ARAP1: variants seen among roughly 807,000 people sequenced by gnomAD.
ARAP1 encodes the protein arf-GAP with Rho-GAP domain, ANK repeat and PH domain-containing protein 1.
In ARAP1, 76 loss-of-function variants were observed where a neutral mutation model predicts 172.2. The observed-to-expected ratio is 0.44, with a 90% CI of 0.37 to 0.53. The LOEUF (loss-of-function observed/expected upper bound fraction) is 0.53, where lower values mean the gene tolerates loss of function less well. Ranked by LOEUF, ARAP1 falls within the 20% of genes least tolerant of loss-of-function variation. ARAP1 has a pLI of 0.00. For missense variants in ARAP1, 1,686 were observed against 1,977.5 expected, an observed-to-expected ratio of 0.85 and a Z score of 2.80; for synonymous variants, 804 against 803.3, an observed-to-expected ratio of 1.00 and a Z score of -0.01.
intron 30 of ARAP1, among the ~76,000 whole-genome samples, chr11:72,692,077 G>A (rs1050667167): frequency 6.6e-6 from 1 of 152,058 alleles, no homozygotes; most frequent in Admixed American, 6.5e-5. Context: ...AACAGTTGGG[G>A]ACCCCTGCTG....
chr11:72,736,478 T>A (rs1858029299), intron 1 of ARAP1, among the ~76,000 whole-genome samples: 1 of 152,078 alleles, frequency 6.6e-6, no homozygotes, highest in African/African-American at 2.4e-5. Context: ...TCTACCCTAA[T>A]CCAAGCCCTA....
chr11:72,748,219 A>G (rs1858429126), intron 1 of ARAP1, among the ~76,000 whole-genome samples: 1 of 152,186 alleles, frequency 6.6e-6, no homozygotes, highest in Non-Finnish European at 1.5e-5. Flanking sequence ...TATTATTACT[A>G]CTATTAAATA....
At chr11:72,742,287 A>G (rs1375642240) in intron 1 of ARAP1, among the ~76,000 whole-genome samples, 1 of 152,154 alleles carries the variant, frequency 6.6e-6, no homozygotes, top group African/African-American at 2.4e-5. Flanking sequence ...TGCAGCAACA[A>G]AAGGTCGTGT....
intron 1 of ARAP1, among the ~76,000 whole-genome samples, chr11:72,745,988 G>A (rs893433747): frequency 6.6e-6 from 1 of 152,120 alleles, no homozygotes; most frequent in African/African-American, 2.4e-5. Flanking sequence ...AGAGCAATAC[G>A]TCCCCTCAGG....
Position 72,726,539 on chromosome 11 carries a change from GCACCAAAGGC to G in ARAP1, c.509+71_509+80del. ...CTTCCGAAGTGCCTTTCTTACCCCA[GCACCAAAGGC>G]CACAAACTCCCCATCTACCCTCTGG... On this transcript the variant is annotated intron_variant, in intron 3 of 34. Coordinates refer to ENST00000393609, the MANE Select transcript of ARAP1 (RefSeq NM_001040118.3). The surrounding 1 kb of genome is among the most constrained non-coding windows in gnomAD (Gnocchi z 6.5). 1 of 1,430,718 alleles carries G rather than the reference GCACCAAAGGC, an allele frequency of 7.0e-7. No homozygotes were observed. Among genetic ancestry groups the G allele is most frequent in the Non-Finnish European group, 9.2e-7 (1 of 1,092,766 alleles). 88.6% of individuals were successfully genotyped at this position (1,430,718 alleles called of 1,614,324 possible).
intron 3 of ARAP1, among the ~76,000 whole-genome samples, chr11:72,717,326 T>A (rs1857322542): frequency 6.6e-6 from 1 of 152,084 alleles, no homozygotes; most frequent in Non-Finnish European, 1.5e-5. Context: ...CCAGGGCCAG[T>A]CAGACCTCAG....
chr11:72,711,894 GC>G (rs1857029280), intron 7 of ARAP1, among the ~76,000 whole-genome samples: 2 of 151,928 alleles, frequency 1.3e-5, no homozygotes, highest in African/African-American at 4.8e-5. Context: ...ACGAGGTCTC[GC>G]CATGTTGCCC....
chr11:72,710,895 A>C lies in ARAP1; in HGVS notation c.1213+126T>G. Reference sequence around the variant, plus strand: ...CTTCCTCTGCCCACCTCACAAAGGCAGCATGCCTCCCCGGATGTGATGTGA... The same window carrying C: ...CTTCCTCTGCCCACCTCACAAAGGCCGCATGCCTCCCCGGATGTGATGTGA... On this transcript the variant is annotated intron_variant, in intron 9 of 34. Coordinates refer to ENST00000393609, the MANE Select transcript of ARAP1 (RefSeq NM_001040118.3). The surrounding 1 kb of genome is among the most constrained non-coding windows in gnomAD (Gnocchi z 4.3). The C allele has an allele frequency of 6.5e-7, 1 of 1,540,458 alleles. No homozygotes were observed. The highest frequency in any genetic ancestry group is 8.8e-7 in the Non-Finnish European group (1 of 1,135,160).
chr11:72,738,121 G>C (rs1858087650), intron 1 of ARAP1, among the ~76,000 whole-genome samples: 1 of 152,212 alleles, frequency 6.6e-6, no homozygotes. Context: ...GGATAAGTAG[G>C]AGGTGGCCAG....
In ARAP1 at chr11:72,693,619, C is replaced by T. The variant is rs999293516; in HGVS notation, c.3808+73G>A. The stretch of plus-strand genomic sequence containing the variant: ...CTCTGTCTGAGCTGTTCCTACCTGG[C>T]ACCACCAGGTCCCACCCTGGCTCTG... On this transcript the variant is annotated intron_variant, in intron 28 of 34. Transcript: ENST00000393609. The surrounding 1 kb of genome is among the most constrained non-coding windows in gnomAD (Gnocchi z 4.6). 3.9e-6 allele frequency: 6 copies of T among 1,525,030 alleles called. No homozygotes were observed. In the African/African-American group the frequency reaches 6.9e-5, roughly 17 times the overall value. The allele number at this position is 1,525,030 out of a possible 1,614,324, so 94.5% of individuals were successfully genotyped here. A position where few individuals can be genotyped will look rare whatever the true frequency, so the allele number is the denominator to read the frequency against.
rs373142379 is a variant in ARAP1, at chr11:72,699,387, C to A, written c.2438+30G>T. Reference sequence around the variant, plus strand: ...AGTGGGGGATTGTACCTTATAGCAACCACAGTCTGATTTGCCCAGGAGTAC... The same window carrying A: ...AGTGGGGGATTGTACCTTATAGCAAACACAGTCTGATTTGCCCAGGAGTAC... On this transcript the variant is annotated intron_variant, in intron 17 of 34. Transcript: ENST00000393609. The surrounding 1 kb of genome is among the most constrained non-coding windows in gnomAD (Gnocchi z 4.2). 4 of 1,613,624 alleles carry A rather than the reference C, an allele frequency of 2.5e-6. No homozygotes were observed. The African/African-American group carries it at 5.3e-5, about 22-fold the overall frequency.
chr11:72,704,091 G>T, intron 14 of ARAP1, 61 bp downstream of exon 14: 1 of 1,602,290 alleles, frequency 6.2e-7, no homozygotes. Flanking sequence ...ACAGCATGAG[G>T]AACAGGGCAG....
At chr11:72,719,544 T>C (rs140295697) in intron 3 of ARAP1, among the ~76,000 whole-genome samples, 3 of 152,286 alleles carry the variant, frequency 2.0e-5, no homozygotes, top group East Asian at 1.9e-4. Flanking sequence ...CACTTGCACA[T>C]GGCATCAACA....
rs1224113338 is a variant in ARAP1, at chr11:72,707,296, G to A, written c.1602C>T (p.Thr534=). ...MQGAIAEALS[T]SEVAERIWAA... is the part of the protein sequence containing the mutation. ...CCCAGATGCGCTCGGCCACCTCCGA[G>A]GTAGACAGGGCCTCAGCGATGGCTC... The change falls in exon 12 of 35, where the codon ACC becomes ACT. Residue 534 remains threonine, a synonymous_variant. Transcript: ENST00000393609. The A allele has an allele frequency of 6.2e-7, 1 of 1,613,668 alleles. No homozygotes were observed. Among genetic ancestry groups the A allele is most frequent in the Non-Finnish European group, 8.5e-7 (1 of 1,179,952 alleles).
At chr11:72,697,879 G>T (rs748380319) in intron 19 of ARAP1, 32 bp downstream of exon 19, 127 of 1,535,602 alleles carry the variant, frequency 8.3e-5, no homozygotes, top group Non-Finnish European at 1.1e-4. Context: ...AGGGTGCCCT[G>T]GAGGCTGGGG....
rs371527949 is a variant in ARAP1 at position 72,687,531 on chromosome 11, T to A, written c.4122-29A>T. On this transcript the variant is annotated intron_variant, in intron 32 of 34. Transcript: ENST00000393609. ...CAGGGTTGGACGCGGACCCACATGA[T>A]GCCAAAGGCCTGACTGAGCAGGGAA... The A allele has an allele frequency of 9.9e-6, 16 of 1,614,076 alleles. No individual in the cohort carries two copies. In the African/African-American group the frequency reaches 1.3e-4, roughly 13 times the overall value.
At chr11:72,688,414 T>G in intron 31 of ARAP1, 41 bp downstream of exon 31, 1 of 1,575,224 alleles carries the variant, frequency 6.3e-7, no homozygotes, top group South Asian at 1.1e-5. Context: ...TGAGCCCCCA[T>G]AAGCCCCAGT....
intron 3 of ARAP1, among the ~76,000 whole-genome samples, chr11:72,720,080 C>T (rs2135560322): frequency 6.6e-6 from 1 of 152,250 alleles, no homozygotes; most frequent in Admixed American, 6.5e-5. Context: ...CTAACCCCAT[C>T]CTAGAGTCAC....
rs1417525365 is a variant in ARAP1, at chr11:72,712,387, G to C, written c.879-48C>G. ...GGGGCCGGGCTGAGGAGGCAAGGAGGGGGCGGGCTGAGGTTGGGCTCAGTG... is the reference window on the plus strand; with the variant it reads ...GGGGCCGGGCTGAGGAGGCAAGGAGCGGGCGGGCTGAGGTTGGGCTCAGTG... On this transcript the variant is annotated intron_variant, in intron 6 of 34. Coordinates refer to ENST00000393609, the MANE Select transcript of ARAP1 (RefSeq NM_001040118.3). 3.9e-6 allele frequency: 6 copies of C among 1,540,748 alleles called. No individual in the cohort carries two copies. The South Asian group carries it at 7.4e-5, about 19-fold the overall frequency.
Sources: gnomAD v4.1 joint callset for allele counts (sites outside exome capture counted in the v4.1 genomes callset) on GRCh38, gnomAD v4.1.1 for gene constraint, Gnocchi (gnomAD v3.1) non-coding constraint, MANE v1.5 for transcripts, NCBI Gene and HGNC (gene_info 2026-07-23, HGNC 2026-07-21) for gene names.